Variants in DHX34 observed in about 807,000 individuals in gnomAD.
The protein encoded by DHX34 is probable ATP-dependent RNA helicase DHX34.
DHX34 carries 96 observed loss-of-function variants against 111.1 expected under a neutral mutation model. That is an observed-to-expected ratio of 0.86 (90% confidence interval 0.73 to 1.02). DHX34 has a LOEUF of 1.02. DHX34 is among the 50% of genes least tolerant of loss of function. The pLI is 0.00. For missense variants in DHX34, 1,560 were observed against 1,579.9 expected (o/e 0.99, Z 0.21); for synonymous variants, 688 against 670.4 (o/e 1.03, Z -0.41).
At chr19:47,350,921 G>C (rs1332620093) in intron 1 of DHX34, among the ~76,000 whole-genome samples, 1 of 151,970 alleles carries the variant, frequency 6.6e-6, no homozygotes, top group Non-Finnish European at 1.5e-5. Context: ...AGAGACAGAG[G>C]CCTGAAGATG....
chr19:47,377,076 G>T (rs769327562), intron 12 of DHX34, 24 bp from the exon 13 acceptor site: 4 of 1,613,554 alleles, frequency 2.5e-6, no homozygotes, highest in South Asian at 1.1e-5. Context: ...GGGTGGGCCT[G>T]AGCGGTCCTC....
In DHX34 at chr19:47,358,249, A is replaced by G. The variant is rs1275026614; in HGVS notation, c.1272+129A>G. The G allele has an allele frequency of 5.6e-6, 8 of 1,437,506 alleles. No homozygotes were observed. In the East Asian group the frequency reaches 1.7e-4, roughly 31 times the overall value. The allele number at this position is 1,437,506 out of a possible 1,614,324, so 89.0% of individuals were successfully genotyped here. A position where few individuals can be genotyped will look rare whatever the true frequency, so the allele number is the denominator to read the frequency against. On this transcript the variant is annotated intron_variant, in intron 4 of 16. Coordinates refer to ENST00000328771, the MANE Select transcript of DHX34 (RefSeq NM_014681.6). ...TACTTGTGCAAAGTCGTAGCCACCT[A>G]GTGGCAGAGCCAGGCTGCGAACCCA...
chr19:47,377,024 C>T lies in DHX34; in HGVS notation c.2600-76C>T, dbSNP rs963601853. The T allele has an allele frequency of 3.1e-6, 5 of 1,607,906 alleles. No individual in the cohort carries two copies. The South Asian group carries it at 4.4e-5, about 14-fold the overall frequency. ...CTCTTTCTATCGATGTGTACTTTGA[C>T]CGGGTGGGACAGGCGGGCTTCTGAT... On this transcript the variant is annotated intron_variant, in intron 12 of 16. Coordinates refer to ENST00000328771, the MANE Select transcript of DHX34 (RefSeq NM_014681.6).
chr19:47,354,852 C>CT, intron 2 of DHX34, 187 bp from the exon 3 acceptor site: 1 of 608,046 alleles, frequency 1.6e-6, no homozygotes, highest in Non-Finnish European at 2.1e-6. Context: ...TGGGGTTTCT[C>CT]TATGTTAGTC....
In DHX34 at chr19:47,372,751, C is replaced by T. The variant is rs761628939; in HGVS notation, c.1790C>T (p.Ser597Phe). ...VVIGKMLILG[S>F]MFSLVEPVLT... Reference sequence around the variant, plus strand: ...GCAGGGAAGATGCTGATCCTGGGCTCCATGTTCAGCCTGGTGGAGCCTGTG... The same window carrying T: ...GCAGGGAAGATGCTGATCCTGGGCTTCATGTTCAGCCTGGTGGAGCCTGTG... The change falls in exon 8 of 17, where the codon TCC becomes TTC. Residue 597 changes from serine (S) to phenylalanine (F), a missense_variant. Transcript: ENST00000328771. 4 of 1,610,392 alleles carry T rather than the reference C, an allele frequency of 2.5e-6. No homozygotes were observed. Among genetic ancestry groups the T allele is most frequent in the Non-Finnish European group, 2.5e-6 (3 of 1,178,686 alleles).
At chr19:47,375,813 G>A in intron 10 of DHX34, 105 bp downstream of exon 10, 2 of 1,548,440 alleles carry the variant, frequency 1.3e-6, no homozygotes, top group Admixed American at 2.2e-5. Context: ...CAGGAGCCGG[G>A]TTTCCATGGA....
intron 7 of DHX34, among the ~76,000 whole-genome samples, chr19:47,367,947 A>G (rs1456698787): frequency 6.6e-6 from 1 of 151,948 alleles, no homozygotes; most frequent in African/African-American, 2.4e-5. Flanking sequence ...TCATTTTGAT[A>G]AAATAGCTGA....
In DHX34 at chr19:47,375,547, C is replaced by CGCA; in HGVS notation, c.2147_2148insCAG (p.Arg716dup). 6.4e-7 allele frequency: 1 copy of CGCA among 1,551,556 alleles called. No individual in the cohort carries two copies. ...CAGCTACAGTCGGTTGCAGCAGCGC[C>CGCA]GGGAGCGCCGGGCCCTGCACCAGCT... On this transcript the variant is annotated inframe_insertion, in exon 10 of 17. Coordinates refer to ENST00000328771, the MANE Select transcript of DHX34 (RefSeq NM_014681.6).
intron 7 of DHX34, among the ~76,000 whole-genome samples, chr19:47,370,348 A>G (rs1262582484): frequency 2.0e-5 from 3 of 152,082 alleles, no homozygotes; most frequent in African/African-American, 7.2e-5. Flanking sequence ...TCTCCTCTGC[A>G]CAGCGTGTCC....
chr19:47,373,046 C>G, intron 8 of DHX34, 123 bp downstream of exon 8: 1 of 1,270,310 alleles, frequency 7.9e-7, no homozygotes. Context: ...GAGCCCCCCA[C>G]AGACTGGGCC....
intron 1 of DHX34, among the ~76,000 whole-genome samples, chr19:47,351,171 CTTTTTTTTTTTT>C (rs955543104): frequency 1.1e-4 from 10 of 93,082 alleles, no homozygotes; most frequent in African/African-American, 2.7e-4. Context: ...TTTTCTTTTT[CTTTTTTTTTTTT>C]TTTTTTTTTT....
At chr19:47,376,626 C>A in intron 12 of DHX34, 66 bp downstream of exon 12, 1 of 1,522,798 alleles carries the variant, frequency 6.6e-7, no homozygotes, top group Non-Finnish European at 8.8e-7. Flanking sequence ...CCGTGAACTC[C>A]CAGGCCCCTC....
At chr19:47,367,202 T>C (rs1599764179) in intron 7 of DHX34, 47 bp downstream of exon 7, 1 of 1,382,404 alleles carries the variant, frequency 7.2e-7, no homozygotes, top group East Asian at 2.9e-5. Context: ...CAGGAGCGGG[T>C]ATGGGCACAG....
In DHX34 at chr19:47,373,589, C is replaced by T. The variant is rs973883101; in HGVS notation, c.1963-10C>T. 4 of 1,612,544 alleles carry T rather than the reference C, an allele frequency of 2.5e-6. No individual in the cohort carries two copies. Among genetic ancestry groups the T allele is most frequent in the Admixed American group, 3.3e-5 (2 of 59,916 alleles). ...GGCCCTGACACCCTGGCGTCTGCTCCTCCACCCAGGTGAAATCTGAACGGA... is the reference window on the plus strand; with the variant it reads ...GGCCCTGACACCCTGGCGTCTGCTCTTCCACCCAGGTGAAATCTGAACGGA... On this transcript the variant is annotated splice_polypyrimidine_tract_variant and intron_variant, in intron 8 of 16. Coordinates refer to ENST00000328771, the MANE Select transcript of DHX34 (RefSeq NM_014681.6).
At chr19:47,376,855 G>A in intron 12 of DHX34, 3 of 1,532,248 alleles carry the variant, frequency 2.0e-6, no homozygotes, top group African/African-American at 1.4e-5. Context: ...GCTCCCAGGT[G>A]GGTCCTGCAG....
intron 14 of DHX34, 91 bp from the exon 15 acceptor site, chr19:47,380,725 G>A (rs954935267): frequency 8.2e-5 from 128 of 1,565,674 alleles, no homozygotes; most frequent in East Asian, 3.4e-4. Flanking sequence ...TGCAAAGCCC[G>A]AGGGAGGGCT....
At chr19:47,355,531 G>A (rs1294110987) in intron 3 of DHX34, among the ~76,000 whole-genome samples, 181 bp downstream of exon 3, 1 of 152,150 alleles carries the variant, frequency 6.6e-6, no homozygotes, top group Non-Finnish European at 1.5e-5. Flanking sequence ...CTAAGTGCTT[G>A]TTAGAGTAAA....
In DHX34 at chr19:47,359,995, C is replaced by T. The variant is rs1157811464; in HGVS notation, c.1300C>T (p.Arg434Trp). Reference sequence around the variant, plus strand: ...ATTTGATGTGGCACCCCCTGGAGTCCGGAAATGCATCCTCTCCACCAACAT... The same window carrying T: ...ATTTGATGTGGCACCCCCTGGAGTCTGGAAATGCATCCTCTCCACCAACAT... ...KVFDVAPPGV[R>W]KCILSTNIAE... The change falls in exon 5 of 17, where the codon CGG (arginine) becomes TGG (tryptophan). Residue 434 changes from arginine (R) to tryptophan (W), a missense_variant. Arg to Trp is a moderately radical substitution (Grantham distance 101, BLOSUM62 -3). Coordinates refer to ENST00000328771, the MANE Select transcript of DHX34 (RefSeq NM_014681.6). 8 of 1,613,946 alleles carry T rather than the reference C, an allele frequency of 5.0e-6. No individual in the cohort carries two copies. Among genetic ancestry groups the T allele is most frequent in the East Asian group, 2.2e-5 (1 of 44,888 alleles).
At chr19:47,349,546 G>A (rs1401426379) in intron 1 of DHX34, among the ~76,000 whole-genome samples, 194 bp downstream of exon 1, 1 of 152,180 alleles carries the variant, frequency 6.6e-6, no homozygotes, top group Non-Finnish European at 1.5e-5. Context: ...GAGAACCTGG[G>A]CGACAGGCCA....
Sources: allele counts gnomAD v4.1 joint callset (sites outside exome capture counted in the v4.1 genomes callset), GRCh38; gene constraint gnomAD v4.1.1; transcripts MANE v1.5; gene names NCBI Gene and HGNC (gene_info 2026-07-23, HGNC 2026-07-21).